Variants in AFF1 observed in about 807,000 individuals in gnomAD.
AFF1 encodes the protein AF4/FMR2 family member 1.
A neutral mutation model predicts 121.7 loss-of-function variants in AFF1; 48 were observed. That is an observed-to-expected ratio of 0.39 (90% CI 0.31 to 0.50). AFF1 has a LOEUF of 0.50. Among genes scored for constraint, AFF1 ranks in the 20% least tolerant of loss-of-function variants. AFF1 has a pLI of 0.76. For synonymous variants in AFF1, 613 were observed against 563.0 expected (o/e 1.09, Z -1.26); for missense variants, 1,523 against 1,511.7 (o/e 1.01, Z -0.12).
At chr4:87,068,432 CTA>C (rs1273691088) in intron 4 of AFF1, among the ~76,000 whole-genome samples, 2 of 152,216 alleles carry the variant, frequency 1.3e-5, no homozygotes, top group African/African-American at 4.8e-5. Flanking sequence ...GGTGGCTTAA[CTA>C]TTTTGCTTGT....
intron 12 of AFF1, among the ~76,000 whole-genome samples, chr4:87,118,524 T>A (rs1011541213): frequency 6.6e-6 from 1 of 152,256 alleles, no homozygotes; most frequent in Non-Finnish European, 1.5e-5. Flanking sequence ...GTTAATTACT[T>A]ATTTTTTAGA....
chr4:87,140,846 ATAGTTTTTTTT>A lies in AFF1; in HGVS notation c.*5149_*5159del, dbSNP rs1246297640. 5.3e-6 allele frequency: 1 copy of A among 186,956 alleles called. No homozygotes were observed. The highest frequency in any genetic ancestry group is 8.6e-5 in the East Asian group (1 of 11,672). The allele number at this position is 186,956 out of a possible 1,614,324, so 11.6% of individuals were successfully genotyped here. On this transcript the variant is annotated 3_prime_UTR_variant, in exon 21 of 21. Transcript: ENST00000395146. Reference sequence around the variant, plus strand: ...AGAATATGTGATCTGTGAGAGAATTATAGTTTTTTTTTAGAAGAAAAATCTGCAAAAGATCT... The same window carrying A: ...AGAATATGTGATCTGTGAGAGAATTATAGAAGAAAAATCTGCAAAAGATCT...
intron 5 of AFF1, among the ~76,000 whole-genome samples, chr4:87,085,256 G>A (rs1196671847): frequency 1.3e-5 from 2 of 152,024 alleles, no homozygotes; most frequent in Non-Finnish European, 2.9e-5. Flanking sequence ...TATATATAAT[G>A]TTTCCCATTT....
intron 16 of AFF1, among the ~76,000 whole-genome samples, chr4:87,128,803 C>T (rs1002150373): frequency 6.6e-5 from 10 of 152,212 alleles, no homozygotes; most frequent in South Asian, 2.1e-4. Context: ...CCTAAAACTG[C>T]GCTGTACCAG....
At chr4:87,063,602 T>G (rs2149659560) in intron 4 of AFF1, among the ~76,000 whole-genome samples, 1 of 152,210 alleles carries the variant, frequency 6.6e-6, no homozygotes, top group African/African-American at 2.4e-5. Flanking sequence ...TTTTGAATAT[T>G]ATGGCTTTAA....
In AFF1 at chr4:87,084,112, A is replaced by C; in HGVS notation, c.1060-8A>C. On this transcript the variant is annotated splice_region_variant and splice_polypyrimidine_tract_variant and intron_variant, in intron 4 of 20. Coordinates refer to ENST00000395146, the MANE Select transcript of AFF1 (RefSeq NM_001166693.3). ...GCTAACCTTTTATTTTTTGCTTTTC[A>C]CTTTCAGCAGACCTACTCCAATGAA... 2 of 1,613,674 alleles carry C rather than the reference A, an allele frequency of 1.2e-6. No homozygotes were observed. Among genetic ancestry groups the C allele is most frequent in the Non-Finnish European group, 8.5e-7 (1 of 1,179,728 alleles).
chr4:87,053,597 A>G (rs764889324), intron 4 of AFF1, among the ~76,000 whole-genome samples: 1 of 152,212 alleles, frequency 6.6e-6, no homozygotes, highest in African/African-American at 2.4e-5. Flanking sequence ...CTCCTGCACC[A>G]CTCAAAACAC....
Position 86,979,738 on chromosome 4 carries a change from T to G in AFF1, c.38+31167T>G, listed in dbSNP as rs976937099. Reference sequence around the variant, plus strand: ...TATCGGAGTGGCAAAAAATAAAGTTTGACAACATGTCTTATTGAAAAGGTT... The same window carrying G: ...TATCGGAGTGGCAAAAAATAAAGTTGGACAACATGTCTTATTGAAAAGGTT... On this transcript the variant is annotated intron_variant, in intron 2 of 20. Transcript: ENST00000395146. 4.0e-4 allele frequency among the ~76,000 whole-genome samples: 61 copies of G among 152,346 alleles called. 3 individuals carry two copies. Among genetic ancestry groups the G allele is most frequent in the Admixed American group, 2.0e-3 (31 of 15,300 alleles).
intron 12 of AFF1, among the ~76,000 whole-genome samples, chr4:87,124,425 TTAGC>T (rs1291284438): frequency 7.2e-5 from 11 of 152,218 alleles, no homozygotes; most frequent in African/African-American, 2.7e-4. Context: ...GGAAAAAATG[TTAGC>T]TAGAATCCCA....
At chr4:87,033,470 G>A (rs1729263529) in intron 2 of AFF1, among the ~76,000 whole-genome samples, 1 of 152,164 alleles carries the variant, frequency 6.6e-6, no homozygotes, top group African/African-American at 2.4e-5. Flanking sequence ...GGTAAATCCT[G>A]TCCTGTGTTC....
At chr4:87,052,888 G>T (rs553286684) in intron 4 of AFF1, among the ~76,000 whole-genome samples, 1 of 152,028 alleles carries the variant, frequency 6.6e-6, no homozygotes, top group African/African-American at 2.4e-5. Flanking sequence ...ATCAAACAAG[G>T]CTGGTAGACT....
chr4:86,955,960 C>T (rs890391234), intron 2 of AFF1, among the ~76,000 whole-genome samples: 17 of 152,196 alleles, frequency 1.1e-4, no homozygotes, highest in African/African-American at 3.9e-4. Context: ...AACAGATTAA[C>T]ACCTATTATA....
intron 2 of AFF1, among the ~76,000 whole-genome samples, chr4:86,980,932 T>TAATCCCA (rs1723687694): frequency 6.8e-6 from 1 of 147,242 alleles, no homozygotes; most frequent in Non-Finnish European, 1.5e-5. Context: ...CCCAGCACTT[T>TAATCCCA]GCGAGGCTTG....
Position 87,047,395 on chromosome 4 carries a change from C to T in AFF1, c.860C>T (p.Pro287Leu), listed in dbSNP as rs1730818177. 1 of 1,614,068 alleles carries T rather than the reference C, an allele frequency of 6.2e-7. No individual in the cohort carries two copies. The highest frequency in any genetic ancestry group is 1.3e-5 in the African/African-American group (1 of 74,910). ...PSQTFPPPSLPSKSVAMQQKP... is the reference protein window; with the variant it reads ...PSQTFPPPSLLSKSVAMQQKP... ...CAGACATTTCCACCTCCCTCCCTCC[C>T]CTCAAAAAGTGTTGCAATGCAGCAG... Residue 287 changes from proline (P) to leucine (L), a missense_variant, in exon 4 of 21, where the codon CCC becomes CTC. Physicochemically the swap from Pro to Leu is moderately conservative, Grantham distance 98 (BLOSUM62 -3). Coordinates refer to ENST00000395146, the MANE Select transcript of AFF1 (RefSeq NM_001166693.3).
At chr4:87,070,201 A>G (rs957182773) in intron 4 of AFF1, among the ~76,000 whole-genome samples, 1 of 152,146 alleles carries the variant, frequency 6.6e-6, no homozygotes. Context: ...ACGGGGTTTC[A>G]CCATGTTGGC....
intron 20 of AFF1, 44 bp from the exon 21 acceptor site, chr4:87,135,536 C>CTT: frequency 6.8e-7 from 1 of 1,476,950 alleles, no homozygotes; most frequent in Non-Finnish European, 9.0e-7. Flanking sequence ...TTTGTGTGTG[C>CTT]TTGTGTATTT....
In AFF1 at chr4:86,953,634, A is replaced by C. The variant is rs76475796; in HGVS notation, c.38+5063A>C. The stretch of plus-strand genomic sequence containing the variant: ...TCACCTTCCTTCCGTCCCCCTTTTT[A>C]ATAGTTCTTTCTAAAAATTGTTATT... On this transcript the variant is annotated intron_variant, in intron 2 of 20. Coordinates refer to ENST00000395146, the MANE Select transcript of AFF1 (RefSeq NM_001166693.3). 8.6e-3 allele frequency among the ~76,000 whole-genome samples: 1,310 copies of C among 152,274 alleles called. 24 individuals are homozygous for C. Among genetic ancestry groups the C allele is most frequent in the African/African-American group, 0.03 (1,261 of 41,558 alleles).
intron 2 of AFF1, among the ~76,000 whole-genome samples, chr4:86,997,236 A>G (rs909194702): frequency 1.6e-4 from 24 of 152,134 alleles, no homozygotes; most frequent in African/African-American, 5.8e-4. Flanking sequence ...TATAAGAGGA[A>G]GAGACCTGCA....
chr4:87,053,355 G>T lies in AFF1; in HGVS notation c.1059+5761G>T, dbSNP rs1318202454. Among the ~76,000 whole-genome samples, 4 of 152,130 alleles carry T rather than the reference G, an allele frequency of 2.6e-5. No individual in the cohort carries two copies. In the East Asian group the frequency reaches 5.8e-4, roughly 22 times the overall value. The stretch of plus-strand genomic sequence containing the variant: ...CATTGTTGGACCACTTTGATTCATT[G>T]CAGCTCTTAAATTGAGCCTCCTATT... On this transcript the variant is annotated intron_variant, in intron 4 of 20. Coordinates refer to ENST00000395146, the MANE Select transcript of AFF1 (RefSeq NM_001166693.3).
Sources: allele counts gnomAD v4.1 joint callset (sites outside exome capture counted in the v4.1 genomes callset), GRCh38; gene constraint gnomAD v4.1.1; transcripts MANE v1.5; gene names NCBI Gene and HGNC (gene_info 2026-07-23, HGNC 2026-07-21).